Variants in SAFB2 observed in about 807,000 individuals in gnomAD.
SAFB2 encodes scaffold attachment factor B2.
A neutral mutation model predicts 100.6 loss-of-function variants in SAFB2; 32 were observed. The observed-to-expected ratio is 0.32, with a 90% CI of 0.24 to 0.43. The LOEUF (loss-of-function observed/expected upper bound fraction) is 0.43. Ranked by LOEUF, SAFB2 falls within the 20% of genes least tolerant of loss-of-function variation. SAFB2 has a pLI of 1.00. For missense variants in SAFB2, 1,185 were observed against 1,163.4 expected, an observed-to-expected ratio of 1.02 and a Z score of -0.27; for synonymous variants, 500 against 439.4, an observed-to-expected ratio of 1.14 and a Z score of -1.72.
intron 5 of SAFB2, among the ~76,000 whole-genome samples, chr19:5,612,944 T>A (rs988408370): frequency 6.6e-6 from 1 of 152,230 alleles, no homozygotes; most frequent in Admixed American, 6.5e-5. Flanking sequence ...AACTGATTTG[T>A]AACTGAAACC....
At chr19:5,612,877 C>G (rs1599270762) in intron 5 of SAFB2, among the ~76,000 whole-genome samples, 3 of 152,340 alleles carry the variant, frequency 2.0e-5, no homozygotes, top group East Asian at 1.9e-4. Context: ...GCAAACACCC[C>G]CTTTGTCAGA....
chr19:5,591,873 G>C (rs768604954), intron 16 of SAFB2, 80 bp from the exon 17 acceptor site: 71 of 1,364,514 alleles, frequency 5.2e-5, no homozygotes, highest in Non-Finnish European at 6.8e-5. Flanking sequence ...TTCGCGACTG[G>C]GATACTTTTT....
In SAFB2 at chr19:5,595,361, C is replaced by T. The variant is rs1278796402; in HGVS notation, c.1919G>A (p.Arg640Gln). The change falls in exon 14 of 21, where the codon CGG (arginine) becomes CAG (glutamine). Residue 640 changes from arginine to glutamine, a missense_variant and splice_region_variant. This residue lies in a region of SAFB2 where 740 missense variants were observed against 687.1 expected (regional missense o/e 1.08). Coordinates refer to ENST00000252542, the MANE Select transcript of SAFB2 (RefSeq NM_014649.3). ...CACAGCCTCACCCAGCTCCACTCACCGCCGCCTCTCCGTTTCGCGGATCTC... is the reference window on the plus strand; with the variant it reads ...CACAGCCTCACCCAGCTCCACTCACTGCCGCCTCTCCGTTTCGCGGATCTC... ...EREIRETERR[R>Q]EREQREREQR... 4 of 1,608,956 alleles carry T rather than the reference C, an allele frequency of 2.5e-6. No individual in the cohort carries two copies. Among genetic ancestry groups the T allele is most frequent in the Admixed American group, 3.3e-5 (2 of 60,008 alleles).
Position 5,612,575 on chromosome 19 carries a change from A to G in SAFB2, c.607-8T>C. ...AAGGGATTCTTCAATGTCCTATTTAAAAAAGAAAAAGCAAATCCACAAGTC... is the reference window on the plus strand; with the variant it reads ...AAGGGATTCTTCAATGTCCTATTTAGAAAAGAAAAAGCAAATCCACAAGTC... On this transcript the variant is annotated splice_region_variant and splice_polypyrimidine_tract_variant and intron_variant, in intron 5 of 20. Transcript: ENST00000252542. 6.2e-7 allele frequency: 1 copy of G among 1,612,028 alleles called. No homozygotes were observed. Among genetic ancestry groups the G allele is most frequent in the Non-Finnish European group, 8.5e-7 (1 of 1,178,626 alleles).
chr19:5,613,120 T>C (rs1172156438), intron 5 of SAFB2, among the ~76,000 whole-genome samples: 3 of 152,172 alleles, frequency 2.0e-5, no homozygotes, highest in Non-Finnish European at 2.9e-5. Context: ...CCCCTCTCTC[T>C]TTTGCATCAG....
chr19:5,593,001 A>G, intron 15 of SAFB2, 114 bp from the exon 16 acceptor site: 1 of 952,472 alleles, frequency 1.0e-6, no homozygotes, highest in South Asian at 1.6e-5. Flanking sequence ...GTATCGTTTA[A>G]AATGTCCTGC....
chr19:5,612,440 G>T (rs1364371469), intron 6 of SAFB2, 100 bp downstream of exon 6: 2 of 1,076,996 alleles, frequency 1.9e-6, no homozygotes, highest in East Asian at 2.4e-5. Flanking sequence ...CACCATTAGA[G>T]CAATTTACAA....
chr19:5,591,994 G>C (rs1454546025), intron 16 of SAFB2, among the ~76,000 whole-genome samples: 1 of 152,206 alleles, frequency 6.6e-6, no homozygotes, highest in South Asian at 2.1e-4. Flanking sequence ...TAAAGAGGTA[G>C]GAATAAAGAT....
At chr19:5,609,314 T>A (rs1204298414) in intron 9 of SAFB2, among the ~76,000 whole-genome samples, 12 of 149,390 alleles carry the variant, frequency 8.0e-5, no homozygotes, top group African/African-American at 2.9e-4. Context: ...TTTTTTTTTT[T>A]TTTTTTTATG....
chr19:5,599,812 G>C (rs939210314), intron 12 of SAFB2, among the ~76,000 whole-genome samples: 5 of 152,114 alleles, frequency 3.3e-5, no homozygotes, highest in African/African-American at 1.2e-4. Context: ...CATCAGGTTA[G>C]TTACAAGAAA....
In SAFB2 at chr19:5,595,069, G is replaced by A. The variant is rs2052507229; in HGVS notation, c.1919+292C>T. ...TCGCTACATTGCCTAGGATGGTCTTGAACTCCTGGCTTCAGGGGATCCTCT... is the reference window on the plus strand; with the variant it reads ...TCGCTACATTGCCTAGGATGGTCTTAAACTCCTGGCTTCAGGGGATCCTCT... On this transcript the variant is annotated intron_variant, in intron 14 of 20. Coordinates refer to ENST00000252542, the MANE Select transcript of SAFB2 (RefSeq NM_014649.3). 2.0e-5 allele frequency among the ~76,000 whole-genome samples: 3 copies of A among 152,160 alleles called. No homozygotes were observed. The South Asian group carries it at 6.2e-4, about 32-fold the overall frequency.
intron 11 of SAFB2, among the ~76,000 whole-genome samples, chr19:5,601,343 T>A (rs534998627): frequency 2.3e-4 from 35 of 152,272 alleles, no homozygotes; most frequent in African/African-American, 7.9e-4. Context: ...TTTGTAAGAA[T>A]GTCTTAGGAG....
In SAFB2 at chr19:5,593,328, G is replaced by C. The variant is rs1264446530; in HGVS notation, c.2208-441C>G. Reference sequence around the variant, plus strand: ...ATGGGGTGATAGTGAACTACACACAGCTCTGGACGGCATCCAATTATCTTC... The same window carrying C: ...ATGGGGTGATAGTGAACTACACACACCTCTGGACGGCATCCAATTATCTTC... On this transcript the variant is annotated intron_variant, in intron 15 of 20. Coordinates refer to ENST00000252542, the MANE Select transcript of SAFB2 (RefSeq NM_014649.3). Among the ~76,000 whole-genome samples, 3 of 152,230 alleles carry C rather than the reference G, an allele frequency of 2.0e-5. No homozygotes were observed. The East Asian group carries it at 5.8e-4, about 29-fold the overall frequency.
chr19:5,607,256 G>A (rs1043344173), intron 9 of SAFB2, among the ~76,000 whole-genome samples: 3 of 151,942 alleles, frequency 2.0e-5, no homozygotes, highest in African/African-American at 4.8e-5. Context: ...GCGAGACTCC[G>A]TCTCAAAAAC....
chr19:5,591,860 AGTTTCGCGACT>A, intron 16 of SAFB2, 67 bp from the exon 17 acceptor site: 1 of 1,500,878 alleles, frequency 6.7e-7, no homozygotes, highest in Non-Finnish European at 9.3e-7. Flanking sequence ...AGGTCAGGCA[AGTTTCGCGACT>A]GGGATACTTT....
At chr19:5,595,019 T>G (rs1452957684) in intron 14 of SAFB2, among the ~76,000 whole-genome samples, 1 of 152,112 alleles carries the variant, frequency 6.6e-6, no homozygotes, top group Non-Finnish European at 1.5e-5. Context: ...CAGCTAATTT[T>G]TAAATATTTT....
intron 13 of SAFB2, chr19:5,598,562 G>C: frequency 1.8e-6 from 1 of 552,472 alleles, no homozygotes; most frequent in East Asian, 3.1e-5. Context: ...GTCTGAAGGC[G>C]GCACATCCCG....
chr19:5,600,086 T>A, intron 12 of SAFB2, 44 bp downstream of exon 12: 1 of 1,591,550 alleles, frequency 6.3e-7, no homozygotes, highest in Non-Finnish European at 8.5e-7. Context: ...TCCCCACCCG[T>A]GCCAGGCCTT....
intron 4 of SAFB2, 135 bp downstream of exon 4, chr19:5,615,997 G>T: frequency 2.6e-6 from 2 of 757,266 alleles, no homozygotes; most frequent in South Asian, 3.4e-5. Context: ...AATGGACATG[G>T]TTTAACACCA....
Sources: allele counts gnomAD v4.1 joint callset (sites outside exome capture counted in the v4.1 genomes callset), GRCh38; gene constraint gnomAD v4.1.1; regional missense constraint gnomAD v4.1.1; transcripts MANE v1.5; gene names NCBI Gene and HGNC (gene_info 2026-07-23, HGNC 2026-07-21).